The following PDE6C variants were observed in gnomAD, a reference collection of about 807,000 sequenced individuals.
PDE6C encodes phosphodiesterase 6C.
PDE6C carries 75 observed loss-of-function variants against 113.1 expected under a neutral mutation model. That is an observed-to-expected ratio of 0.66 (90% confidence interval 0.55 to 0.80). The LOEUF is 0.80. PDE6C is among the 30% of genes least tolerant of loss of function. The pLI, the probability that PDE6C is intolerant of heterozygous loss-of-function variation, is 0.00. For synonymous variants in PDE6C, 375 were observed against 363.7 expected (o/e 1.03, Z -0.35); for missense variants, 912 against 1,038.6 (o/e 0.88, Z 1.67).
chr10:93,641,973 A>T (rs2058562239), intron 14 of PDE6C, among the ~76,000 whole-genome samples: 1 of 152,246 alleles, frequency 6.6e-6, no homozygotes, highest in South Asian at 2.1e-4. Flanking sequence ...AGTAAGAATT[A>T]TAGTAATGGT....
At chr10:93,621,792 C>A in intron 3 of PDE6C, 140 bp from the exon 4 acceptor site, 1 of 758,216 alleles carries the variant, frequency 1.3e-6, no homozygotes, top group Non-Finnish European at 2.3e-6. Context: ...TGGATGTACA[C>A]ATGTTCAAAA....
intron 1 of PDE6C, among the ~76,000 whole-genome samples, chr10:93,614,685 T>A (rs968750272): frequency 6.6e-6 from 1 of 152,202 alleles, no homozygotes; most frequent in South Asian, 2.1e-4. Context: ...TTTCTGCTGT[T>A]ATACTTTGAT....
intron 18 of PDE6C, among the ~76,000 whole-genome samples, chr10:93,661,251 C>G (rs552697680): frequency 7.9e-5 from 12 of 152,260 alleles, no homozygotes; most frequent in Admixed American, 7.8e-4. Flanking sequence ...CCATCACCTT[C>G]TCCCATGTCA....
At chr10:93,628,361 G>A (rs2058483814) in intron 7 of PDE6C, among the ~76,000 whole-genome samples, 1 of 152,154 alleles carries the variant, frequency 6.6e-6, no homozygotes, top group Non-Finnish European at 1.5e-5. Flanking sequence ...AAGGCAGGTG[G>A]ATTGCCTGAG....
chr10:93,618,390 G>A (rs115123647), intron 1 of PDE6C, among the ~76,000 whole-genome samples: 4,308 of 152,058 alleles, frequency 0.028, 82 homozygotes, highest in Middle Eastern at 0.044. Flanking sequence ...ATTACAAAAC[G>A]AGGACACAGA....
intron 14 of PDE6C, among the ~76,000 whole-genome samples, chr10:93,641,316 G>T (rs2058558830): frequency 6.6e-6 from 1 of 152,044 alleles, no homozygotes; most frequent in Non-Finnish European, 1.5e-5. Flanking sequence ...TGTTTAATCA[G>T]AGTATTGAAT....
chr10:93,634,850 A>C lies in PDE6C; in HGVS notation c.1212A>C (p.Thr404=), dbSNP rs764573887. Residue 404 remains threonine (T), a synonymous_variant, in exon 9 of 22, where the codon ACA becomes ACC. Coordinates refer to ENST00000371447, the MANE Select transcript of PDE6C (RefSeq NM_006204.4). ...AAGAAGATATTGTGGGAGTGGCTAC[A>C]TTTTACAACAGGAAGGATGGAAAAC... is the stretch of plus-strand genomic sequence containing the variant. The part of the protein sequence containing the change: ...NKKEDIVGVA[T]FYNRKDGKPF... 30 of 1,614,020 alleles carry C rather than the reference A, an allele frequency of 1.9e-5. No homozygotes were observed. In the Middle Eastern group the frequency reaches 6.6e-4, roughly 35 times the overall value.
rs775479738 is a variant in PDE6C at position 93,637,008 on chromosome 10, A to C, written c.1427A>C (p.Lys476Thr). 3.8e-6 allele frequency: 6 copies of C among 1,594,232 alleles called. No individual in the cohort carries two copies. In the South Asian group the frequency reaches 6.6e-5, roughly 18 times the overall value. Residue 476 changes from lysine (K) to threonine (T), a missense_variant, in exon 11 of 22, where the codon AAG (lysine) becomes ACG (threonine). By Grantham distance (78) the Lys-to-Thr change is moderately conservative. Coordinates refer to ENST00000371447, the MANE Select transcript of PDE6C (RefSeq NM_006204.4). ...TTTACATTTTAGAAATTTCAAGAGA[A>C]GTTAAATGTTGATGTAATTGACGAC... ...EIKSILKFQEKLNVDVIDDCE... is the reference protein window; with the variant it reads ...EIKSILKFQETLNVDVIDDCE...
intron 4 of PDE6C, among the ~76,000 whole-genome samples, chr10:93,625,198 A>AT (rs1302820840): frequency 1.3e-5 from 2 of 152,192 alleles, no homozygotes; most frequent in African/African-American, 4.8e-5. Context: ...AGCAACCAAC[A>AT]TTTTGCCACT....
chr10:93,654,428 C>T (rs1283007455), intron 15 of PDE6C, among the ~76,000 whole-genome samples: 1 of 152,186 alleles, frequency 6.6e-6, no homozygotes, highest in Non-Finnish European at 1.5e-5. Flanking sequence ...AGTTACTTCA[C>T]CTCTCTGTGC....
At chr10:93,629,075 A>G (rs912769291) in intron 7 of PDE6C, among the ~76,000 whole-genome samples, 183 bp from the exon 8 acceptor site, 10 of 152,176 alleles carry the variant, frequency 6.6e-5, no homozygotes, top group African/African-American at 2.4e-4. Flanking sequence ...AATTAGCAGC[A>G]GGGAAGCCAT....
chr10:93,658,165 GTC>G (rs1465564321), intron 16 of PDE6C, among the ~76,000 whole-genome samples: 3 of 42,578 alleles, frequency 7.0e-5, no homozygotes, highest in Non-Finnish European at 1.2e-4. Flanking sequence ...GCAAGATTCT[GTC>G]TCAAAAAAAA....
chr10:93,665,317 A>G, intron 21 of PDE6C, 43 bp from the exon 22 acceptor site: 4 of 1,366,800 alleles, frequency 2.9e-6, no homozygotes, highest in Non-Finnish European at 4.2e-6. Context: ...AACACTGTAT[A>G]TCCACTAACT....
intron 8 of PDE6C, among the ~76,000 whole-genome samples, chr10:93,633,476 A>T (rs1467369173): frequency 1.4e-5 from 2 of 146,256 alleles, no homozygotes; most frequent in African/African-American, 5.0e-5. Context: ...AAAAAAAAAA[A>T]AAAATAAAAA....
Position 93,620,718 on chromosome 10 carries a change from G to A in PDE6C, c.567G>A (p.Glu189=), listed in dbSNP as rs534152825. The A allele has an allele frequency of 9.9e-6, 16 of 1,614,120 alleles. No homozygotes were observed. The highest frequency in any genetic ancestry group is 1.3e-5 in the African/African-American group (1 of 75,030). ...LLATPIVVGK[E]VLAVIMAVNK... Reference sequence around the variant, plus strand: ...CAACCCCGATCGTGGTGGGCAAGGAGGTTCTTGCTGTGATCATGGCAGTTA... The same window carrying A: ...CAACCCCGATCGTGGTGGGCAAGGAAGTTCTTGCTGTGATCATGGCAGTTA... The change falls in exon 2 of 22, where the codon GAG becomes GAA. Residue 189 remains glutamate, a synonymous_variant. Transcript: ENST00000371447.
At chr10:93,643,641 T>C (rs868163087) in intron 14 of PDE6C, among the ~76,000 whole-genome samples, 2 of 151,844 alleles carry the variant, frequency 1.3e-5, no homozygotes, top group African/African-American at 4.8e-5. Context: ...TCCTCCTGCC[T>C]CAGCCTCCCA....
At chr10:93,654,784 T>TTC (rs1204324704) in intron 15 of PDE6C, among the ~76,000 whole-genome samples, 3 of 93,014 alleles carry the variant, frequency 3.2e-5, no homozygotes, top group Non-Finnish European at 4.3e-5. Context: ...CTTTCTTTCT[T>TTC]TCTTTCTTTC....
chr10:93,654,061 T>C (rs1276765326), intron 15 of PDE6C, among the ~76,000 whole-genome samples: 2 of 152,180 alleles, frequency 1.3e-5, no homozygotes, highest in Non-Finnish European at 2.9e-5. Context: ...TAACTTTACG[T>C]AATAATAATA....
intron 1 of PDE6C, among the ~76,000 whole-genome samples, chr10:93,616,904 G>A (rs2058422683): frequency 1.3e-5 from 2 of 152,224 alleles, no homozygotes; most frequent in South Asian, 4.1e-4. Flanking sequence ...TGCCCACATA[G>A]GCCTCCCAAA....
Sources: gnomAD v4.1 joint callset for allele counts (sites outside exome capture counted in the v4.1 genomes callset) on GRCh38, gnomAD v4.1.1 for gene constraint, MANE v1.5 for transcripts, NCBI Gene and HGNC (gene_info 2026-07-23, HGNC 2026-07-21) for gene names.